MDFI: variants seen among roughly 807,000 people sequenced by gnomAD.
MDFI encodes the protein inhibitor of MyoD family a.
Under a neutral mutation model 22.3 loss-of-function variants are expected in MDFI, and 16 were observed. The observed-to-expected ratio is 0.72, with a 90% CI of 0.49 to 1.09. The LOEUF (loss-of-function observed/expected upper bound fraction) is 1.09, where lower values mean the gene tolerates loss of function less well. MDFI is among the 50% of genes least tolerant of loss of function. MDFI has a pLI of 0.00. For missense variants in MDFI, 314 were observed against 326.1 expected (o/e 0.96, Z 0.29); for synonymous variants, 145 against 142.7 (o/e 1.02, Z -0.12).
chr6:41,652,383 T>A (rs1768302888), intron 4 of MDFI, among the ~76,000 whole-genome samples: 1 of 152,142 alleles, frequency 6.6e-6, no homozygotes. Context: ...CTTCAAAGAT[T>A]TCAGCTTTTA....
rs1581822574 is a variant in MDFI at position 41,638,646 on chromosome 6, C to T, written c.-18C>T. 3.4e-5 allele frequency: 44 copies of T among 1,310,810 alleles called. No individual in the cohort carries two copies. In the South Asian group the frequency reaches 5.5e-4, roughly 16 times the overall value. The allele number at this position is 1,310,810 out of a possible 1,614,324, so 81.2% of individuals were successfully genotyped here. A position where few individuals can be genotyped will look rare whatever the true frequency, so the allele number is the denominator to read the frequency against. ...GGCTGGAAGAGAGCGTAGCACGGCT[C>T]GCACGAGTGAGTGGACGTGGGAGGC... On this transcript the variant is annotated 5_prime_UTR_variant, in exon 1 of 5. Coordinates refer to ENST00000230321, the MANE Select transcript of MDFI (RefSeq NM_005586.4). The surrounding 1 kb of genome is among the most constrained non-coding windows in gnomAD (Gnocchi z 7.6).
chr6:41,640,095 G>C (rs567787410), intron 2 of MDFI, among the ~76,000 whole-genome samples: 28 of 152,368 alleles, frequency 1.8e-4, no homozygotes, highest in African/African-American at 6.5e-4. Flanking sequence ...GCCTTCTGCA[G>C]GATGAGCGCC....
chr6:41,646,911 C>T (rs1310674430), intron 3 of MDFI, among the ~76,000 whole-genome samples: 5 of 152,224 alleles, frequency 3.3e-5, no homozygotes, highest in Non-Finnish European at 4.4e-5. Context: ...CTCTCCTAAT[C>T]AGCCTGCAAT....
In MDFI at chr6:41,638,765, G is replaced by A; in HGVS notation, c.16G>A (p.Gly6Ser). 6.4e-7 allele frequency: 1 copy of A among 1,570,196 alleles called. No homozygotes were observed. Among genetic ancestry groups the A allele is most frequent in the African/African-American group, 1.3e-5 (1 of 74,394 alleles). MYQVS[G>S]QRPSGCDAPY... ...TCCGGGGCCGATGTACCAGGTGAGC[G>A]GCCAGCGCCCCTCTGGCTGCGACGC... is the stretch of plus-strand genomic sequence containing the variant. The change falls in exon 2 of 5, where the codon GGC (glycine) becomes AGC (serine). Residue 6 changes from glycine (G) to serine (S), a missense_variant. Physicochemically the swap from Gly to Ser is moderately conservative, Grantham distance 56 (BLOSUM62 0). Transcript: ENST00000230321. The surrounding 1 kb of genome is among the most constrained non-coding windows in gnomAD (Gnocchi z 7.6).
intron 2 of MDFI, among the ~76,000 whole-genome samples, chr6:41,643,533 G>GAA: frequency 6.0e-5 from 6 of 99,320 alleles, no homozygotes; most frequent in African/African-American, 2.6e-4. Context: ...CAGGAAGGAG[G>GAA]GAAGGAGGGA....
rs1303560862 is a variant in MDFI, at chr6:41,649,714, G to T, written c.355G>T (p.Gly119Cys). The change falls in exon 4 of 5, where the codon GGT (glycine) becomes TGT (cysteine). Residue 119 changes from glycine (G) to cysteine (C), a missense_variant. Transcript: ENST00000230321. The stretch of plus-strand genomic sequence containing the variant: ...GGGCGGCACCAGACGGGCGGGGAAT[G>T]GTGCCCTGGGTGGCCCCAAGGCCCA... ...ELGGTRRAGNGALGGPKAHRK... is the reference protein window; with the variant it reads ...ELGGTRRAGNCALGGPKAHRK... 2 of 1,614,068 alleles carry T rather than the reference G, an allele frequency of 1.2e-6. No individual in the cohort carries two copies. Among genetic ancestry groups the T allele is most frequent in the Admixed American group, 1.7e-5 (1 of 60,022 alleles).
chr6:41,639,205 C>T, intron 2 of MDFI: 1 of 979,448 alleles, frequency 1.0e-6, no homozygotes, highest in Non-Finnish European at 1.2e-6. Context: ...GGGGAGGGGG[C>T]GTTGTCTGAA....
rs374785093 is a variant in MDFI, at chr6:41,646,096, A to G, written c.77-30A>G. 8.4e-6 allele frequency: 12 copies of G among 1,434,022 alleles called. No homozygotes were observed. The African/African-American group carries it at 1.6e-4, about 19-fold the overall frequency. The allele number at this position is 1,434,022 out of a possible 1,614,324, so 88.8% of individuals were successfully genotyped here. The stretch of plus-strand genomic sequence containing the variant: ...GGGCAAACAGGAAGGCCCCAGGAAA[A>G]TGGACCTCAGTCATCTGCTTTTTTC... On this transcript the variant is annotated intron_variant, in intron 2 of 4. Transcript: ENST00000230321.
intron 2 of MDFI, among the ~76,000 whole-genome samples, chr6:41,643,325 T>C (rs1300961631): frequency 6.6e-6 from 1 of 152,134 alleles, no homozygotes; most frequent in Non-Finnish European, 1.5e-5. Flanking sequence ...TAGGTGCCCG[T>C]CTTCTGTGCT....
At chr6:41,643,583 AG>A (rs1561829725) in intron 2 of MDFI, among the ~76,000 whole-genome samples, 2 of 67,564 alleles carry the variant, frequency 3.0e-5, no homozygotes, top group Non-Finnish European at 5.5e-5. Flanking sequence ...GGAAGGAGGG[AG>A]GGAGGGAGGG....
chr6:41,649,057 C>A (rs761588069), intron 3 of MDFI, among the ~76,000 whole-genome samples: 4 of 152,176 alleles, frequency 2.6e-5, no homozygotes, highest in Non-Finnish European at 4.4e-5. Flanking sequence ...AGTGGAGGCA[C>A]CAGGTGGAAG....
rs931211437 is a variant in MDFI at position 41,638,947 on chromosome 6, T to C, written c.76+122T>C. On this transcript the variant is annotated intron_variant, in intron 2 of 4. Coordinates refer to ENST00000230321, the MANE Select transcript of MDFI (RefSeq NM_005586.4). The surrounding 1 kb of genome is among the most constrained non-coding windows in gnomAD (Gnocchi z 7.6). ...ACCGTTCCAGGGAGCTTGGTGGGGG[T>C]AGGGACGAAAAGTCTGGGTTTGAGG... 1 of 1,130,870 alleles carries C rather than the reference T, an allele frequency of 8.8e-7. No homozygotes were observed. Among genetic ancestry groups the C allele is most frequent in the Non-Finnish European group, 1.2e-6 (1 of 819,668 alleles). 70.1% of individuals were successfully genotyped at this position (1,130,870 alleles called of 1,614,324 possible). A position where few individuals can be genotyped will look rare whatever the true frequency, so the allele number is the denominator to read the frequency against.
chr6:41,650,101 C>T (rs1400296361), intron 4 of MDFI: 3 of 452,554 alleles, frequency 6.6e-6, no homozygotes, highest in Non-Finnish European at 1.2e-5. Flanking sequence ...TCAAGGCCAC[C>T]TCCCCACCCC....
intron 2 of MDFI, chr6:41,639,245 A>G (rs972187390): frequency 2.6e-5 from 26 of 985,146 alleles, no homozygotes; most frequent in Admixed American, 6.2e-5. Flanking sequence ...CCCCAGCCCA[A>G]CCAGAGCCCA....
chr6:41,645,432 G>C (rs143841342), intron 2 of MDFI, among the ~76,000 whole-genome samples: 1 of 151,928 alleles, frequency 6.6e-6, no homozygotes, highest in Admixed American at 6.6e-5. Context: ...TGCTCCGGCC[G>C]GCTCCTTGTC....
chr6:41,643,383 A>T (rs1015118076), intron 2 of MDFI, among the ~76,000 whole-genome samples: 1 of 152,198 alleles, frequency 6.6e-6, no homozygotes, highest in East Asian at 1.9e-4. Context: ...ACCTCTGGGT[A>T]TGTAAGAGCC....
chr6:41,650,287 G>A (rs1581842713), intron 4 of MDFI, among the ~76,000 whole-genome samples: 1 of 152,196 alleles, frequency 6.6e-6, no homozygotes, highest in Non-Finnish European at 1.5e-5. Context: ...GCAAGGTGCA[G>A]TAGGAGGTCA....
At chr6:41,639,452 G>C (rs567631821) in intron 2 of MDFI, 2 of 985,322 alleles carry the variant, frequency 2.0e-6, no homozygotes, top group South Asian at 9.4e-5. Context: ...GCCTGGCGCC[G>C]TCTGTAACCT....
At chr6:41,642,273 C>A (rs914067701) in intron 2 of MDFI, among the ~76,000 whole-genome samples, 1 of 152,168 alleles carries the variant, frequency 6.6e-6, no homozygotes, top group African/African-American at 2.4e-5. Context: ...CATCCGCTCA[C>A]CCCCTTGGCA....
Sources: gnomAD v4.1 joint callset for allele counts (sites outside exome capture counted in the v4.1 genomes callset) on GRCh38, gnomAD v4.1.1 for gene constraint, Gnocchi (gnomAD v3.1) non-coding constraint, MANE v1.5 for transcripts, NCBI Gene and HGNC (gene_info 2026-07-23, HGNC 2026-07-21) for gene names.